The following CLEC12B variants were observed in gnomAD, a reference collection of about 807,000 sequenced individuals.
The protein encoded by CLEC12B is C-type lectin domain family 12 member B.
In CLEC12B, 25 loss-of-function variants were observed where a neutral mutation model predicts 36.1. That is an observed-to-expected ratio of 0.69 (90% confidence interval 0.50 to 0.97). CLEC12B has a LOEUF of 0.97. Ranked by LOEUF, CLEC12B falls within the 50% of genes least tolerant of loss-of-function variation. The probability of loss-of-function intolerance (pLI) is 0.00; values close to 1 mark genes in which losing one functional copy is unlikely to be tolerated. For missense variants in CLEC12B, 325 were observed against 318.4 expected (o/e 1.02, Z -0.16); for synonymous variants, 110 against 108.5 (o/e 1.01, Z -0.09).
Position 10,015,348 on chromosome 12 carries a change from G to A in CLEC12B, c.506G>A (p.Arg169Lys). The A allele has an allele frequency of 6.2e-7, 1 of 1,613,492 alleles. No homozygotes were observed. The highest frequency in any genetic ancestry group is 1.3e-5 in the African/African-American group (1 of 75,030). The change falls in exon 4 of 6, where the codon AGA (arginine) becomes AAA (lysine). Residue 169 changes from arginine (R) to lysine (K), a missense_variant. Coordinates refer to ENST00000338896, the MANE Select transcript of CLEC12B (RefSeq NM_001129998.3). ...GAGGAGAAAACCTGGGCTAACAGTA[G>A]AAAGGACTGCATAGACAAGAACTCC... Reference protein sequence around the residue: ...TNEEKTWANSRKDCIDKNSTL... With the variant: ...TNEEKTWANSKKDCIDKNSTL...
At chr12:10,010,954 A>C (rs1318796806) in intron 1 of CLEC12B, 104 bp downstream of exon 1, 4 of 659,448 alleles carry the variant, frequency 6.1e-6, no homozygotes, top group Non-Finnish European at 1.1e-5. Context: ...TGTGCTGTGA[A>C]ATCTCCAAAA....
upstream of CLEC12B, among the ~76,000 whole-genome samples, chr12:10,008,845 A>C (rs1230525650): frequency 6.6e-6 from 1 of 152,196 alleles, no homozygotes; most frequent in East Asian, 1.9e-4. Flanking sequence ...TGAAAGAATT[A>C]AGGAAATGAG....
chr12:10,010,200 T>TCACACACACACA (rs3053772), upstream of CLEC12B, among the ~76,000 whole-genome samples: 286 of 145,912 alleles, frequency 2.0e-3, 1 homozygote, highest in African/African-American at 4.1e-3. Flanking sequence ...TGTCTCTCTC[T>TCACACACACACA]CACACACACA....
Position 10,018,448 on chromosome 12 carries a change from A to T in CLEC12B, c.798A>T (p.Thr266=). The part of the protein sequence containing the change: ...SAEIFWICEK[T]AAPVKTEDLD ...AAATTTTTTGGATTTGCGAGAAGAC[A>T]GCTGCCCCAGTGAAGACTGAGGATT... The change falls in exon 6 of 6, where the codon ACA becomes ACT. Residue 266 remains threonine, a synonymous_variant. Transcript: ENST00000338896. The T allele has an allele frequency of 6.4e-7, 1 of 1,550,966 alleles. No homozygotes were observed.
upstream of CLEC12B, among the ~76,000 whole-genome samples, chr12:10,009,753 G>A (rs555499113): frequency 1.2e-4 from 18 of 152,166 alleles, no homozygotes; most frequent in South Asian, 1.9e-3. Flanking sequence ...AACCTTGGAA[G>A]TTTTAGATCA....
At position 10,015,352 on chromosome 12, in the gene CLEC12B, G is replaced by C. The variant is rs781248900; in HGVS notation, c.510G>C (p.Lys170Asn). 14 of 1,613,382 alleles carry C rather than the reference G, an allele frequency of 8.7e-6. No individual in the cohort carries two copies. The highest frequency in any genetic ancestry group is 1.2e-5 in the Non-Finnish European group (14 of 1,179,598). The change falls in exon 4 of 6, where the codon AAG (lysine) becomes AAC (asparagine). Residue 170 changes from lysine to asparagine, a missense_variant. Physicochemically the swap from Lys to Asn is moderately conservative, Grantham distance 94 (BLOSUM62 0). Transcript: ENST00000338896. Reference sequence around the variant, plus strand: ...AGAAAACCTGGGCTAACAGTAGAAAGGACTGCATAGACAAGAACTCCACCC... The same window carrying C: ...AGAAAACCTGGGCTAACAGTAGAAACGACTGCATAGACAAGAACTCCACCC... Reference protein sequence around the residue: ...NEEKTWANSRKDCIDKNSTLV... With the variant: ...NEEKTWANSRNDCIDKNSTLV...
chr12:10,013,361 A>G (rs1413787104), intron 2 of CLEC12B: 4 of 180,060 alleles, frequency 2.2e-5, no homozygotes, highest in Admixed American at 1.9e-4. Context: ...AATGAGAAAG[A>G]CATATAAACA....
At position 10,018,505 on chromosome 12, in the gene CLEC12B, G is replaced by C. The variant is rs1034852849; in HGVS notation, c.*24G>C. ...AGTATGCTTCTTCCAAATTCTCCAA[G>C]AAGTAAGAGACTTGTGAGTAAGCTC... On this transcript the variant is annotated 3_prime_UTR_variant, in exon 6 of 6. Transcript: ENST00000338896. The C allele has an allele frequency of 8.4e-6, 13 of 1,542,190 alleles. No homozygotes were observed. Among genetic ancestry groups the C allele is most frequent in the Non-Finnish European group, 8.8e-6 (10 of 1,142,518 alleles).
At chr12:10,009,351 A>G (rs1865270729), upstream of CLEC12B, among the ~76,000 whole-genome samples, 2 of 152,182 alleles carry the variant, frequency 1.3e-5, no homozygotes, top group Admixed American at 6.5e-5. Context: ...ACGGACCAGA[A>G]CAGAGATAGA....
In CLEC12B at chr12:10,015,754, C is replaced by T. The variant is rs764274926; in HGVS notation, c.680+27C>T. On this transcript the variant is annotated intron_variant, in intron 5 of 5. Transcript: ENST00000338896. Reference sequence around the variant, plus strand: ...TACGTCTCTAACTATTGAGGGTAAACACAAGCTTTCCATGGAATCCTGGGA... The same window carrying T: ...TACGTCTCTAACTATTGAGGGTAAATACAAGCTTTCCATGGAATCCTGGGA... 19 of 1,605,690 alleles carry T rather than the reference C, an allele frequency of 1.2e-5. No homozygotes were observed. In the East Asian group the frequency reaches 3.8e-4, roughly 32 times the overall value.
At chr12:10,009,239 C>A (rs1865268608), upstream of CLEC12B, among the ~76,000 whole-genome samples, 2 of 152,196 alleles carry the variant, frequency 1.3e-5, no homozygotes, top group Non-Finnish European at 2.9e-5. Context: ...GTCTTTGGGT[C>A]CGTGCCATCT....
chr12:10,018,293 A>C (rs1343916908), intron 5 of CLEC12B, 38 bp from the exon 6 acceptor site: 2 of 1,260,718 alleles, frequency 1.6e-6, no homozygotes, highest in Non-Finnish European at 2.2e-6. Context: ...TCACGTTTCA[A>C]ATACAGAATT....
intron 2 of CLEC12B, 69 bp downstream of exon 2, chr12:10,012,952 T>C: frequency 8.5e-7 from 1 of 1,176,190 alleles, no homozygotes; most frequent in East Asian, 2.3e-5. Context: ...TACTTTCAGC[T>C]TGGATTGTAG....
At chr12:10,017,306 T>G in intron 5 of CLEC12B, 1 of 985,340 alleles carries the variant, frequency 1.0e-6, no homozygotes, top group Non-Finnish European at 1.2e-6. Context: ...AGAGCAATAT[T>G]GGGTATGAAC....
chr12:10,010,168 T>C (rs1865289072), upstream of CLEC12B, among the ~76,000 whole-genome samples: 1 of 139,236 alleles, frequency 7.2e-6, no homozygotes. Context: ...TCTCTCTCTG[T>C]CTCTCTCTCT....
upstream of CLEC12B, chr12:10,010,584 A>T: frequency 2.0e-6 from 1 of 494,848 alleles, no homozygotes; most frequent in Admixed American, 3.4e-5. Context: ...GGCTTTTCTC[A>T]CTTTCTCTGT....
rs929802673 is a variant in CLEC12B at position 10,010,953 on chromosome 12, A to T, written c.91+103A>T. 11 of 658,956 alleles carry T rather than the reference A, an allele frequency of 1.7e-5. No individual in the cohort carries two copies. The Admixed American group carries it at 2.6e-4, about 16-fold the overall frequency. The allele number at this position is 658,956 out of a possible 1,614,324, so 40.8% of individuals were successfully genotyped here. A position where few individuals can be genotyped will look rare whatever the true frequency, so the allele number is the denominator to read the frequency against. On this transcript the variant is annotated intron_variant, in intron 1 of 5. Transcript: ENST00000338896. The stretch of plus-strand genomic sequence containing the variant: ...ACTGGCGTTAAAGACATGTGCTGTG[A>T]AATCTCCAAAATGGGGACAAATAGT...
At chr12:10,016,100 C>A (rs1865481627) in intron 5 of CLEC12B, 3 of 523,448 alleles carry the variant, frequency 5.7e-6, no homozygotes, top group South Asian at 7.6e-5. Context: ...ATAAATTGCA[C>A]TTTAGGGATT....
chr12:10,015,764 C>T, intron 5 of CLEC12B, 37 bp downstream of exon 5: 1 of 1,606,352 alleles, frequency 6.2e-7, no homozygotes, highest in Middle Eastern at 1.7e-4. Flanking sequence ...CACAAGCTTT[C>T]CATGGAATCC....
Sources: gnomAD v4.1 joint callset for allele counts (sites outside exome capture counted in the v4.1 genomes callset) on GRCh38, gnomAD v4.1.1 for gene constraint, MANE v1.5 for transcripts, NCBI Gene and HGNC (gene_info 2026-07-23, HGNC 2026-07-21) for gene names.